Variants in ZC3H12C observed in about 807,000 individuals in gnomAD.
The protein encoded by ZC3H12C is zinc finger CCCH-type containing 12C, also known as probable ribonuclease ZC3H12C.
A neutral mutation model predicts 76.3 loss-of-function variants in ZC3H12C; 20 were observed. That is an observed-to-expected ratio of 0.26 (90% CI 0.18 to 0.38). ZC3H12C has a LOEUF of 0.38. Among genes scored for constraint, ZC3H12C ranks in the 10% least tolerant of loss-of-function variants. ZC3H12C has a pLI of 1.00. For missense variants in ZC3H12C, 874 were observed against 1,086.5 expected (o/e 0.80, Z 2.75); for synonymous variants, 352 against 399.6 (o/e 0.88, Z 1.42).
chr11:110,143,150 G>A (rs1252816749), intron 2 of ZC3H12C, among the ~76,000 whole-genome samples: 1 of 152,148 alleles, frequency 6.6e-6, no homozygotes, highest in Non-Finnish European at 1.5e-5. Context: ...ATCCCCATGA[G>A]ATGAATTATA....
At chr11:110,118,292 T>C (rs933569681) in intron 1 of ZC3H12C, among the ~76,000 whole-genome samples, 11 of 151,734 alleles carry the variant, frequency 7.2e-5, no homozygotes, top group African/African-American at 2.7e-4. Context: ...TTTTATATTA[T>C]TATATACACC....
chr11:110,101,453 G>A (rs1382385211), intron 1 of ZC3H12C, among the ~76,000 whole-genome samples: 1 of 152,178 alleles, frequency 6.6e-6, no homozygotes, highest in African/African-American at 2.4e-5. Flanking sequence ...TGAAGGACAA[G>A]CTGACTCTCT....
At chr11:110,094,215 T>G (rs1361249283) in intron 1 of ZC3H12C, among the ~76,000 whole-genome samples, 1 of 152,234 alleles carries the variant, frequency 6.6e-6, no homozygotes, top group Non-Finnish European at 1.5e-5. Flanking sequence ...CAATCTCGGT[T>G]TGTGTTCGGT....
chr11:110,157,193 A>AT lies in ZC3H12C; in HGVS notation c.914-2063_914-2062insT, dbSNP rs1287246430. 3.3e-5 allele frequency among the ~76,000 whole-genome samples: 5 copies of AT among 151,700 alleles called. No individual in the cohort carries two copies. The East Asian group carries it at 9.7e-4, about 29-fold the overall frequency. On this transcript the variant is annotated intron_variant, in intron 3 of 5. Transcript: ENST00000278590. ...GACTCCGTCTCAAAAAAAAAAAAAA[A>AT]CAGAGAGATCAGCAGTTACATCTAT...
intron 1 of ZC3H12C, among the ~76,000 whole-genome samples, chr11:110,121,574 CTGAG>C (rs1213513779): frequency 1.4e-5 from 2 of 147,526 alleles, no homozygotes; most frequent in African/African-American, 2.5e-5. Flanking sequence ...GCTAATCTCA[CTGAG>C]TGTTTTCTAA....
rs886961262 is a variant in ZC3H12C, at chr11:110,166,044, A to G, written c.*307A>G. The G allele has an allele frequency of 3.5e-6, 1 of 286,486 alleles. No homozygotes were observed. Among genetic ancestry groups the G allele is most frequent in the Non-Finnish European group, 6.5e-6 (1 of 153,298 alleles). 17.7% of individuals were successfully genotyped at this position (286,486 alleles called of 1,614,324 possible). ...CTTTGATATTAATCTTTGGTGCATCAGGGGTTTATATGCAGCACTTTTTAT... is the reference window on the plus strand; with the variant it reads ...CTTTGATATTAATCTTTGGTGCATCGGGGGTTTATATGCAGCACTTTTTAT... On this transcript the variant is annotated 3_prime_UTR_variant, in exon 6 of 6. Coordinates refer to ENST00000278590, the MANE Select transcript of ZC3H12C (RefSeq NM_033390.2).
chr11:110,143,396 T>C (rs1862102265), intron 2 of ZC3H12C, among the ~76,000 whole-genome samples: 1 of 152,030 alleles, frequency 6.6e-6, no homozygotes, highest in Non-Finnish European at 1.5e-5. Context: ...TAAAATCTAT[T>C]TTCATGTGTC....
Position 110,093,683 on chromosome 11 carries a change from G to T in ZC3H12C, c.21+251G>T, listed in dbSNP as rs537990257. ...CCTCCCCTCGGGCAACGCCGTCCCC[G>T]CCGGGATTTCGGGCGAGGTGAGGCC... On this transcript the variant is annotated intron_variant, in intron 1 of 5. Transcript: ENST00000278590. Among the ~76,000 whole-genome samples, 7 of 152,130 alleles carry T rather than the reference G, an allele frequency of 4.6e-5. No homozygotes were observed. The East Asian group carries it at 1.4e-3, about 30-fold the overall frequency.
At chr11:110,120,284 ATTG>A (rs1054588416) in intron 1 of ZC3H12C, among the ~76,000 whole-genome samples, 1 of 152,134 alleles carries the variant, frequency 6.6e-6, no homozygotes, top group Non-Finnish European at 1.5e-5. Flanking sequence ...TTTAATATAT[ATTG>A]TTGATTCATT....
At chr11:110,159,160 A>G (rs1304803430) in intron 3 of ZC3H12C, 96 bp from the exon 4 acceptor site, 1 of 900,896 alleles carries the variant, frequency 1.1e-6, no homozygotes, top group Non-Finnish European at 1.7e-6. Context: ...TTTCATATAT[A>G]CAGCTTATGT....
chr11:110,146,101 C>T (rs1862163701), intron 2 of ZC3H12C, among the ~76,000 whole-genome samples: 1 of 152,290 alleles, frequency 6.6e-6, no homozygotes, highest in Non-Finnish European at 1.5e-5. Flanking sequence ...ATTCTCCTGC[C>T]TCAGCCTCCT....
At chr11:110,128,470 A>G (rs7937186) in intron 1 of ZC3H12C, among the ~76,000 whole-genome samples, 2,588 of 152,290 alleles carry the variant, frequency 0.017, 75 homozygotes, top group African/African-American at 0.059. Context: ...TTGTGTTCAC[A>G]GTGGCAGGCG....
chr11:110,113,179 C>T (rs993865311), intron 1 of ZC3H12C, among the ~76,000 whole-genome samples: 5 of 152,058 alleles, frequency 3.3e-5, no homozygotes, highest in Non-Finnish European at 7.4e-5. Context: ...CATGCTTCTC[C>T]AAAGAGTCGA....
rs1341105063 is a variant in ZC3H12C, at chr11:110,093,440, C to T, written c.21+8C>T. On this transcript the variant is annotated splice_region_variant and intron_variant, in intron 1 of 5. Transcript: ENST00000278590. ...CCGGGTGGCGGCTCCCAGGTTTGTC[C>T]TCGGGAAGGGGGTGGGGGACGCGGA... 8.3e-7 allele frequency: 1 copy of T among 1,205,632 alleles called. No homozygotes were observed. The allele number at this position is 1,205,632 out of a possible 1,614,324, so 74.7% of individuals were successfully genotyped here. A position where few individuals can be genotyped will look rare whatever the true frequency, so the allele number is the denominator to read the frequency against.
chr11:110,110,655 A>T (rs1861409567), intron 1 of ZC3H12C, among the ~76,000 whole-genome samples: 1 of 152,176 alleles, frequency 6.6e-6, no homozygotes, highest in East Asian at 1.9e-4. Context: ...CAACTAATGC[A>T]TCAAATCACT....
intron 2 of ZC3H12C, among the ~76,000 whole-genome samples, chr11:110,137,937 G>A (rs1861999900): frequency 6.6e-6 from 1 of 151,212 alleles, no homozygotes; most frequent in African/African-American, 2.4e-5. Context: ...GAACTGGGGG[G>A]AAAAAAAAGC....
At chr11:110,099,283 A>G (rs1305211338) in intron 1 of ZC3H12C, among the ~76,000 whole-genome samples, 1 of 152,190 alleles carries the variant, frequency 6.6e-6, no homozygotes, top group Non-Finnish European at 1.5e-5. Context: ...AGGTTTTTTA[A>G]TGCCAAAAAG....
intron 1 of ZC3H12C, among the ~76,000 whole-genome samples, chr11:110,122,590 G>A (rs781166468): frequency 5.3e-5 from 8 of 152,140 alleles, no homozygotes; most frequent in Non-Finnish European, 7.4e-5. Context: ...ATGATGGTGC[G>A]AAAGCCACAT....
rs999079476 is a variant in ZC3H12C at position 110,165,462 on chromosome 11, T to G, written c.2377T>G (p.Tyr793Asp). ...CGACGCCTATGGGTACCGGCAGACTTATTCCTTGCCCGATAACTCCACACA... is the reference window on the plus strand; with the variant it reads ...CGACGCCTATGGGTACCGGCAGACTGATTCCTTGCCCGATAACTCCACACA... ...GIDAYGYRQTYSLPDNSTQPC... is the reference protein window; with the variant it reads ...GIDAYGYRQTDSLPDNSTQPC... Residue 793 changes from tyrosine to aspartate, a missense_variant, in exon 6 of 6, where the codon TAT (tyrosine) becomes GAT (aspartate). Around this residue, in one of 3 missense-constraint regions of ZC3H12C, gnomAD observed 395 missense variants for 434.4 expected, o/e 0.91. Coordinates refer to ENST00000278590, the MANE Select transcript of ZC3H12C (RefSeq NM_033390.2). 2 of 1,613,898 alleles carry G rather than the reference T, an allele frequency of 1.2e-6. No homozygotes were observed. The highest frequency in any genetic ancestry group is 2.7e-5 in the African/African-American group (2 of 74,926).
Sources: allele counts gnomAD v4.1 joint callset (sites outside exome capture counted in the v4.1 genomes callset), GRCh38; gene constraint gnomAD v4.1.1; regional missense constraint gnomAD v4.1.1; transcripts MANE v1.5; gene names NCBI Gene and HGNC (gene_info 2026-07-23, HGNC 2026-07-21).